GALNT13: variants seen among roughly 807,000 people sequenced by gnomAD.
GALNT13 encodes the protein polypeptide N-acetylgalactosaminyltransferase 13.
A neutral mutation model predicts 64.2 loss-of-function variants in GALNT13; 28 were observed. The ratio of observed to expected loss-of-function variants is 0.44; its 90% confidence interval spans 0.32 to 0.60. The LOEUF is 0.60. Among genes scored for constraint, GALNT13 ranks in the 20% least tolerant of loss-of-function variants. The probability of loss-of-function intolerance (pLI) is 0.05; values close to 1 mark genes in which losing one functional copy is unlikely to be tolerated. For synonymous variants in GALNT13, 214 were observed against 224.6 expected (o/e 0.95, Z 0.42); for missense variants, 577 against 669.8 (o/e 0.86, Z 1.53).
intron 9 of GALNT13, among the ~76,000 whole-genome samples, chr2:154,365,163 C>G (rs931352060): frequency 1.3e-5 from 2 of 152,130 alleles, no homozygotes; most frequent in Non-Finnish European, 2.9e-5. Context: ...TCATTAACTT[C>G]ATAGAGGCTT....
chr2:153,437,696 C>G, the GALNT13 span, among the ~76,000 whole-genome samples: 6 of 152,082 alleles, frequency 3.9e-5, no homozygotes, highest in Admixed American at 3.9e-4. Flanking sequence ...TTCCTCCATC[C>G]CTTTATTTTG....
chr2:154,165,174 A>C (rs945632363), intron 4 of GALNT13, among the ~76,000 whole-genome samples: 1 of 152,148 alleles, frequency 6.6e-6, no homozygotes, highest in Non-Finnish European at 1.5e-5. Flanking sequence ...ATCAACAAAA[A>C]TATTTCTCTA....
chr2:154,192,283 A>T (rs1343077757), intron 4 of GALNT13, among the ~76,000 whole-genome samples: 2 of 152,128 alleles, frequency 1.3e-5, no homozygotes, highest in African/African-American at 4.8e-5. Flanking sequence ...GGGTTTTTAT[A>T]GGCACAGGAT....
At chr2:153,388,349 G>A in the GALNT13 span, among the ~76,000 whole-genome samples, 1 of 152,032 alleles carries the variant, frequency 6.6e-6, no homozygotes, top group Non-Finnish European at 1.5e-5. Flanking sequence ...AAGAAATAAA[G>A]AGAGTAAACC....
chr2:154,185,689 AT>A (rs930301983), intron 4 of GALNT13, among the ~76,000 whole-genome samples: 2 of 151,670 alleles, frequency 1.3e-5, no homozygotes, highest in East Asian at 3.9e-4. Context: ...CAGAATTTCT[AT>A]TTTTTTATAA....
the GALNT13 span, among the ~76,000 whole-genome samples, chr2:153,729,625 C>T: frequency 9.2e-5 from 14 of 151,844 alleles, no homozygotes; most frequent in African/African-American, 2.9e-4. Flanking sequence ...TAACATAGTA[C>T]TGGAAGTCCT....
At chr2:153,565,656 T>A in the GALNT13 span, among the ~76,000 whole-genome samples, 1 of 152,212 alleles carries the variant, frequency 6.6e-6, no homozygotes, top group Admixed American at 6.5e-5. Context: ...AAAATGATGT[T>A]ATTTGAGGAC....
chr2:153,141,748 C>A, the GALNT13 span, among the ~76,000 whole-genome samples: 4 of 152,016 alleles, frequency 2.6e-5, no homozygotes, highest in African/African-American at 9.6e-5. Context: ...TCAGAGCTCC[C>A]CATACCATCA....
intron 3 of GALNT13, among the ~76,000 whole-genome samples, chr2:154,077,004 A>G (rs892968215): frequency 1.3e-5 from 2 of 151,718 alleles, no homozygotes; most frequent in South Asian, 4.1e-4. Flanking sequence ...TTAAACTACC[A>G]TTTGAAGTAA....
At chr2:153,629,627 C>A in the GALNT13 span, among the ~76,000 whole-genome samples, 7 of 152,036 alleles carry the variant, frequency 4.6e-5, no homozygotes, top group African/African-American at 1.7e-4. Flanking sequence ...GCAATGGCAA[C>A]AAAAGACAAA....
At chr2:154,292,367 C>T (rs1450624802) in intron 8 of GALNT13, among the ~76,000 whole-genome samples, 1 of 152,164 alleles carries the variant, frequency 6.6e-6, no homozygotes, top group Non-Finnish European at 1.5e-5. Flanking sequence ...TCACCTTGGG[C>T]AAAGTCATTA....
chr2:154,428,860 C>A (rs1700585583), intron 11 of GALNT13, among the ~76,000 whole-genome samples: 1 of 151,920 alleles, frequency 6.6e-6, no homozygotes, highest in Admixed American at 6.6e-5. Context: ...CTGCTCACTG[C>A]AAGCTCCGCC....
intron 8 of GALNT13, among the ~76,000 whole-genome samples, chr2:154,285,309 GT>G (rs1158725255): frequency 3.3e-5 from 5 of 152,032 alleles, no homozygotes; most frequent in Non-Finnish European, 7.4e-5. Context: ...ATATCATGGA[GT>G]TTTTTCCCCA....
intron 4 of GALNT13, among the ~76,000 whole-genome samples, chr2:154,163,860 A>G (rs755626101): frequency 1.9e-4 from 29 of 152,190 alleles, no homozygotes; most frequent in Non-Finnish European, 4.0e-4. Flanking sequence ...CTTCTCTGTC[A>G]TAAGCTGTTT....
chr2:153,256,502 G>A, the GALNT13 span, among the ~76,000 whole-genome samples: 2 of 152,190 alleles, frequency 1.3e-5, no homozygotes, highest in African/African-American at 2.4e-5. Flanking sequence ...TTGTTCCGTT[G>A]CTGGTGAGGA....
At chr2:153,476,140 AT>A in the GALNT13 span, among the ~76,000 whole-genome samples, 1 of 152,210 alleles carries the variant, frequency 6.6e-6, no homozygotes, top group African/African-American at 2.4e-5. Context: ...CCTGATATCC[AT>A]TAGAATTCAA....
At chr2:153,880,930 A>G (rs1254693253) in intron 1 of GALNT13, among the ~76,000 whole-genome samples, 1 of 152,154 alleles carries the variant, frequency 6.6e-6, no homozygotes, top group Non-Finnish European at 1.5e-5. Flanking sequence ...AGACTGAACT[A>G]TGTATTGGTT....
chr2:154,116,898 G>C (rs556105194), intron 3 of GALNT13, among the ~76,000 whole-genome samples: 16 of 152,062 alleles, frequency 1.1e-4, no homozygotes, highest in Non-Finnish European at 5.9e-5. Flanking sequence ...AAGATAGTTA[G>C]ATAGATATAA....
chr2:154,440,073 AG>A (rs1220645838), intron 12 of GALNT13, among the ~76,000 whole-genome samples: 2 of 152,212 alleles, frequency 1.3e-5, no homozygotes, highest in Non-Finnish European at 2.9e-5. Flanking sequence ...GGAAAAGTGC[AG>A]TAAAATGTAC....
Sources: allele counts gnomAD v4.1 joint callset (sites outside exome capture counted in the v4.1 genomes callset), GRCh38; gene constraint gnomAD v4.1.1; transcripts MANE v1.5; gene names NCBI Gene and HGNC (gene_info 2026-07-23, HGNC 2026-07-21).